Variants in CHD4 observed in about 807,000 individuals in gnomAD.
CHD4 encodes the protein chromodomain helicase DNA binding protein 4.
CHD4 carries 35 observed loss-of-function variants against 235.5 expected under a neutral mutation model. The observed-to-expected ratio is 0.15, with a 90% CI of 0.11 to 0.20. The LOEUF is 0.20. Among genes scored for constraint, CHD4 ranks in the 10% least tolerant of loss-of-function variants. The pLI is 1.00. For missense variants in CHD4, 1,329 were observed against 2,432.3 expected (o/e 0.55, Z 9.54); for synonymous variants, 900 against 850.2 (o/e 1.06, Z -1.02).
In CHD4 at chr12:6,596,096, C is replaced by T. The variant is rs1356961959; in HGVS notation, c.1934G>A (p.Arg645Gln). ...KGHVHYLIKW[R>Q]DLPYDQASWE... ...AGAAGCCTGATCGTAAGGTAAGTCC[C>T]GCCACTTGATCAAGTAGTGGACGTG... Residue 645 changes from arginine (R) to glutamine (Q), a missense_variant, in exon 13 of 40, where the codon CGG becomes CAG. Physicochemically the swap from Arg to Gln is conservative, Grantham distance 43. Coordinates refer to ENST00000544040, the MANE Select transcript of CHD4 (RefSeq NM_001273.5). 4 of 1,614,018 alleles carry T rather than the reference C, an allele frequency of 2.5e-6. No homozygotes were observed. The highest frequency in any genetic ancestry group is 1.7e-6 in the Non-Finnish European group (2 of 1,179,968).
chr12:6,590,617 G>A (rs1048070313), intron 22 of CHD4, among the ~76,000 whole-genome samples: 4 of 152,004 alleles, frequency 2.6e-5, no homozygotes, highest in African/African-American at 9.7e-5. Context: ...CCAGAACTTT[G>A]TGATCAGCCT....
At chr12:6,578,567 A>G (rs1366451455) in intron 34 of CHD4, 21 bp from the exon 35 acceptor site, 1 of 1,607,738 alleles carries the variant, frequency 6.2e-7, no homozygotes, top group Admixed American at 1.7e-5. Context: ...TGGGGAAGAA[A>G]AATGTCAGCT....
chr12:6,595,365 A>G lies in CHD4; in HGVS notation c.2090T>C (p.Leu697Ser), dbSNP rs745353327. 1.2e-6 allele frequency: 2 copies of G among 1,613,988 alleles called. No homozygotes were observed. Among genetic ancestry groups the G allele is most frequent in the African/African-American group, 1.3e-5 (1 of 74,896 alleles). Reference sequence around the variant, plus strand: ...TGTTGGCGTTTCTGGAGGCCTCTCCAACTTCCGAAGCTTCACCTTCTTGAG... The same window carrying G: ...TGTTGGCGTTTCTGGAGGCCTCTCCGACTTCCGAAGCTTCACCTTCTTGAG... ...KKLKKVKLRK[L>S]ERPPETPTVD... The change falls in exon 14 of 40, where the codon TTG becomes TCG. Residue 697 changes from leucine to serine, a missense_variant. Leu to Ser is a moderately radical substitution (Grantham distance 145). Around this residue, in one of 26 missense-constraint regions of CHD4, gnomAD observed 121 missense variants for 177.8 expected, o/e 0.68. Transcript: ENST00000544040.
chr12:6,582,257 C>T lies in CHD4; in HGVS notation c.4395G>A (p.Arg1465=). 1 of 1,592,284 alleles carries T rather than the reference C, an allele frequency of 6.3e-7. No individual in the cohort carries two copies. ...CATCTGCCCCCGGCTCACATAAATGCCGCATGAAAAGAGAGACATATGCCC... is the reference window on the plus strand; with the variant it reads ...CATCTGCCCCCGGCTCACATAAATGTCGCATGAAAAGAGAGACATATGCCC... The part of the protein sequence containing the change: ...EFKAYVSLFM[R]HLCEPGADGA... Residue 1465 remains arginine (R), a synonymous_variant, in exon 30 of 40, where the codon CGG becomes CGA. Transcript: ENST00000544040.
chr12:6,595,300 C>T (rs1948468191), intron 14 of CHD4, 34 bp downstream of exon 14: 1 of 1,556,016 alleles, frequency 6.4e-7, no homozygotes, highest in African/African-American at 1.4e-5. Flanking sequence ...ATTGTCCTAC[C>T]CAACAAACTA....
chr12:6,579,750 C>CAAA (rs61518872), intron 33 of CHD4, among the ~76,000 whole-genome samples: 1 of 73,526 alleles, frequency 1.4e-5, no homozygotes, highest in Non-Finnish European at 2.7e-5. Flanking sequence ...GACTCCGTCT[C>CAAA]AAAAAAAAAA....
chr12:6,583,132 G>A lies in CHD4; in HGVS notation c.4061-19C>T. 1 of 1,467,156 alleles carries A rather than the reference G, an allele frequency of 6.8e-7. No homozygotes were observed. Among genetic ancestry groups the A allele is most frequent in the East Asian group, 3.2e-5 (1 of 31,136 alleles). 90.9% of individuals were successfully genotyped at this position (1,467,156 alleles called of 1,614,324 possible). A position where few individuals can be genotyped will look rare whatever the true frequency, so the allele number is the denominator to read the frequency against. ...TGCCAATCTGGAGGGAGAGAGGGCA[G>A]ATGAGCGGGGCCCACTGCTCTAGTG... On this transcript the variant is annotated intron_variant, in intron 26 of 39. Transcript: ENST00000544040.
At chr12:6,599,384 G>A (rs541237797) in intron 10 of CHD4, among the ~76,000 whole-genome samples, 5 of 151,744 alleles carry the variant, frequency 3.3e-5, no homozygotes, top group Non-Finnish European at 1.5e-5. Context: ...AGGCTGCAAT[G>A]AGCTATGACT....
intron 14 of CHD4, among the ~76,000 whole-genome samples, chr12:6,594,965 C>T (rs181456215): frequency 6.6e-6 from 1 of 152,284 alleles, no homozygotes; most frequent in African/African-American, 2.4e-5. Context: ...CTCTTAGATT[C>T]ATCTTTTTAA....
chr12:6,582,683 T>C lies in CHD4; in HGVS notation c.4302A>G (p.Pro1434=), dbSNP rs765480799. 1.9e-6 allele frequency: 3 copies of C among 1,614,162 alleles called. No homozygotes were observed. The highest frequency in any genetic ancestry group is 2.5e-6 in the Non-Finnish European group (3 of 1,180,036). The part of the protein sequence containing the change: ...FLNAIMRYGM[P]PQDAFTTQWL... ...ACTGGGTAGTAAAAGCATCCTGAGG[T>C]GGCATACCATATCGCATAATTGCAT... The change falls in exon 29 of 40, where the codon CCA becomes CCG. Residue 1434 remains proline, a synonymous_variant. Transcript: ENST00000544040.
Position 6,587,558 on chromosome 12 carries a change from T to C in CHD4, c.3705A>G (p.Gly1235=). 1.2e-6 allele frequency: 2 copies of C among 1,613,224 alleles called. No homozygotes were observed. The highest frequency in any genetic ancestry group is 2.2e-5 in the South Asian group (2 of 90,872). The change falls in exon 25 of 40, where the codon GGA becomes GGG. Residue 1235 remains glycine, a splice_region_variant and synonymous_variant. Transcript: ENST00000544040. ...ELFKDEATDG[G]GDNKEGEDSS... ...TATCTTCTCCCTCTTTGTTGTCTCCTCCTATAAAAAATCAAGGGCCCACAT... is the reference window on the plus strand; with the variant it reads ...TATCTTCTCCCTCTTTGTTGTCTCCCCCTATAAAAAATCAAGGGCCCACAT...
chr12:6,594,292 A>C (rs1948447961), intron 15 of CHD4, among the ~76,000 whole-genome samples, 167 bp downstream of exon 15: 1 of 152,184 alleles, frequency 6.6e-6, no homozygotes, highest in South Asian at 2.1e-4. Context: ...TATCACATTT[A>C]TCTACTATCT....
chr12:6,571,263 T>C (rs1168599923), intron 38 of CHD4: 6 of 494,190 alleles, frequency 1.2e-5, no homozygotes, highest in African/African-American at 2.0e-5. Context: ...TATCCCTTAC[T>C]ATTATTGTAT....
Position 6,578,909 on chromosome 12 carries a change from C to T in CHD4, c.4918G>A (p.Asp1640Asn), listed in dbSNP as rs768593929. 5.6e-6 allele frequency: 9 copies of T among 1,614,004 alleles called. No homozygotes were observed. Residue 1640 changes from aspartate (D) to asparagine (N), a missense_variant, in exon 34 of 40, where the codon GAT becomes AAT. By Grantham distance (23) the Asp-to-Asn change is conservative. This residue lies in a region of CHD4 where 219 missense variants were observed against 219.3 expected (regional missense o/e 1.00). Transcript: ENST00000544040. ...GACTTTTCCTCCACCTTCTCTACAT[C>T]AGCAGCACCTAGGGGAAGAAATGTT... ...PMETEPKGAA[D>N]VEKVEEKSAI...
At chr12:6,594,023 C>T (rs1192259838) in intron 15 of CHD4, among the ~76,000 whole-genome samples, 2 of 152,056 alleles carry the variant, frequency 1.3e-5, no homozygotes, top group East Asian at 1.9e-4. Context: ...TTAGTAGAGA[C>T]GGGGTTTCGC....
chr12:6,587,438 T>C lies in CHD4; in HGVS notation c.3825A>G (p.Glu1275=). ...GGGCCACTTTGAATGAGCTCAAATATTCATTCATGCCCTGCAATTCTGTGT... is the reference window on the plus strand; with the variant it reads ...GGGCCACTTTGAATGAGCTCAAATACTCATTCATGCCCTGCAATTCTGTGT... ...TEDTELQGMN[E]YLSSFKVAQY... is the part of the protein sequence containing the mutation. The change falls in exon 25 of 40, where the codon GAA becomes GAG. Residue 1275 remains glutamate, a synonymous_variant. Coordinates refer to ENST00000544040, the MANE Select transcript of CHD4 (RefSeq NM_001273.5). The C allele has an allele frequency of 6.2e-7, 1 of 1,614,218 alleles. No homozygotes were observed. Among genetic ancestry groups the C allele is most frequent in the Non-Finnish European group, 8.5e-7 (1 of 1,180,034 alleles).
intron 19 of CHD4, 64 bp downstream of exon 19, chr12:6,592,329 T>G: frequency 6.6e-7 from 1 of 1,517,440 alleles, no homozygotes; most frequent in Non-Finnish European, 8.8e-7. Flanking sequence ...GGGGGAGGAA[T>G]AGGAAACACT....
At position 6,606,302 on chromosome 12, in the gene CHD4, C is replaced by G. The variant is rs748237657; in HGVS notation, c.72G>C (p.Leu24Phe). 9 of 1,586,690 alleles carry G rather than the reference C, an allele frequency of 5.7e-6. No individual in the cohort carries two copies. In the African/African-American group the frequency reaches 1.1e-4, roughly 19 times the overall value. Residue 24 changes from leucine (L) to phenylalanine (F), a missense_variant, in exon 2 of 40, where the codon TTG becomes TTC. Physicochemically the swap from Leu to Phe is conservative, Grantham distance 22. Transcript: ENST00000544040. ...GSEEEDMDAL[L>F]NNSLPPPHPE... ...GGTGGGGTGGGGGCAGGCTGTTGTTCAAAAGTGCATCCATATCCTCCTCCT... is the reference window on the plus strand; with the variant it reads ...GGTGGGGTGGGGGCAGGCTGTTGTTGAAAAGTGCATCCATATCCTCCTCCT...
In CHD4 at chr12:6,578,826, CA is replaced by C; in HGVS notation, c.4981+19del. On this transcript the variant is annotated intron_variant, in intron 34 of 39. Coordinates refer to ENST00000544040, the MANE Select transcript of CHD4 (RefSeq NM_001273.5). The stretch of plus-strand genomic sequence containing the variant: ...TTTTAGAGTTCTTCTGAACCACAAT[CA>C]ACTTCTCCAAACACCCACCTTTGTC... The C allele has an allele frequency of 1.2e-6, 2 of 1,612,932 alleles. No individual in the cohort carries two copies. Among genetic ancestry groups the C allele is most frequent in the Non-Finnish European group, 1.7e-6 (2 of 1,178,908 alleles).
Sources: gnomAD v4.1 joint callset for allele counts (sites outside exome capture counted in the v4.1 genomes callset) on GRCh38, gnomAD v4.1.1 for gene constraint, gnomAD v4.1.1 regional missense constraint, MANE v1.5 for transcripts, NCBI Gene and HGNC (gene_info 2026-07-23, HGNC 2026-07-21) for gene names.